DYNC1I1: variants seen among roughly 807,000 people sequenced by gnomAD.
DYNC1I1 encodes the protein cytoplasmic dynein 1 intermediate chain 1.
Under a neutral mutation model 86.6 loss-of-function variants are expected in DYNC1I1, and 43 were observed. The ratio of observed to expected loss-of-function variants is 0.50; its 90% CI spans 0.39 to 0.64. The LOEUF is 0.64. Ranked by LOEUF, DYNC1I1 falls within the 30% of genes least tolerant of loss-of-function variation. The pLI, the probability that DYNC1I1 is intolerant of heterozygous loss-of-function variation, is 0.00. For synonymous variants in DYNC1I1, 262 were observed against 283.7 expected (o/e 0.92, Z 0.77); for missense variants, 604 against 788.8 (o/e 0.77, Z 2.81).
intron 1 of DYNC1I1, among the ~76,000 whole-genome samples, chr7:95,798,218 A>G (rs1794491610): frequency 6.6e-6 from 1 of 152,222 alleles, no homozygotes; most frequent in Non-Finnish European, 1.5e-5. Flanking sequence ...TCGTCCTACT[A>G]TAAGGTGGAT....
chr7:95,836,813 C>T (rs1190766906), intron 5 of DYNC1I1, among the ~76,000 whole-genome samples: 1 of 152,168 alleles, frequency 6.6e-6, no homozygotes, highest in African/African-American at 2.4e-5. Context: ...TGGTTTTCAG[C>T]TCCATCAGCT....
rs1794540554 is a variant in DYNC1I1, at chr7:96,021,192, A to G, written c.970-6983A>G. On this transcript the variant is annotated intron_variant, in intron 10 of 16. Coordinates refer to ENST00000447467, the MANE Select transcript of DYNC1I1 (RefSeq NM_001135556.2). ...CAAATTTTATGAGTATTTCACCACA[A>G]TTTTAAAAATAAATAATTTGAAAAT... 2.6e-5 allele frequency among the ~76,000 whole-genome samples: 4 copies of G among 152,186 alleles called. No homozygotes were observed. In the South Asian group the frequency reaches 8.3e-4, roughly 31 times the overall value.
At chr7:95,868,460 C>G (rs1443019305) in intron 5 of DYNC1I1, among the ~76,000 whole-genome samples, 2 of 152,052 alleles carry the variant, frequency 1.3e-5, no homozygotes, top group Admixed American at 1.3e-4. Flanking sequence ...GTGCCATCCG[C>G]TAGTAACAAT....
At chr7:95,894,462 G>A (rs1163384043) in intron 6 of DYNC1I1, among the ~76,000 whole-genome samples, 1 of 151,874 alleles carries the variant, frequency 6.6e-6, no homozygotes, top group African/African-American at 2.4e-5. Context: ...TGAATTTGGG[G>A]GGGGGACATA....
At chr7:95,871,114 C>T (rs980393588) in intron 6 of DYNC1I1, among the ~76,000 whole-genome samples, 6 of 152,146 alleles carry the variant, frequency 3.9e-5, no homozygotes, top group South Asian at 2.1e-4. Context: ...AAATAAATAA[C>T]GCCAAAAGCA....
At position 95,965,024 on chromosome 7, in the gene DYNC1I1, G is replaced by A. The variant is rs73708410; in HGVS notation, c.491-12488G>A. ...TATGAGATAGAGCTGGACACATGGC[G>A]TGGTCTTGTGCTGGGGAACACAAAA... On this transcript the variant is annotated intron_variant, in intron 6 of 16. Coordinates refer to ENST00000447467, the MANE Select transcript of DYNC1I1 (RefSeq NM_001135556.2). Among the ~76,000 whole-genome samples the A allele has an allele frequency of 9.7e-3, 1,472 of 152,234 alleles. 22 individuals are homozygous for A. Among genetic ancestry groups the A allele is most frequent in the African/African-American group, 0.033 (1,359 of 41,546 alleles).
chr7:95,902,673 C>T (rs1044691912), intron 6 of DYNC1I1, among the ~76,000 whole-genome samples: 5 of 152,114 alleles, frequency 3.3e-5, no homozygotes, highest in African/African-American at 4.8e-5. Flanking sequence ...ATTATTTATA[C>T]TGTGCCTCAT....
At chr7:95,889,879 C>A (rs956988026) in intron 6 of DYNC1I1, among the ~76,000 whole-genome samples, 3 of 152,144 alleles carry the variant, frequency 2.0e-5, no homozygotes. Flanking sequence ...AAATGCAAAT[C>A]AAAACCACCA....
At chr7:95,799,189 C>A (rs1370521736) in intron 1 of DYNC1I1, among the ~76,000 whole-genome samples, 1 of 152,074 alleles carries the variant, frequency 6.6e-6, no homozygotes, top group Non-Finnish European at 1.5e-5. Context: ...ACCAGCCTGG[C>A]CAACATGGCG....
At chr7:95,833,587 T>C (rs1393115187) in intron 5 of DYNC1I1, among the ~76,000 whole-genome samples, 24 of 142,258 alleles carry the variant, frequency 1.7e-4, no homozygotes, top group Non-Finnish European at 2.6e-4. Flanking sequence ...CGATATTGAT[T>C]CTTCCTACCC....
At chr7:95,775,959 C>T (rs1462121208) in intron 1 of DYNC1I1, among the ~76,000 whole-genome samples, 1 of 152,126 alleles carries the variant, frequency 6.6e-6, no homozygotes, top group Non-Finnish European at 1.5e-5. Flanking sequence ...AAAGTTATTC[C>T]TCTTGACTGG....
At chr7:95,890,176 C>G (rs533720550) in intron 6 of DYNC1I1, among the ~76,000 whole-genome samples, 6 of 152,322 alleles carry the variant, frequency 3.9e-5, no homozygotes, top group African/African-American at 1.4e-4. Flanking sequence ...TATATGGAAT[C>G]AACCTCAATG....
At chr7:95,804,983 A>T in intron 2 of DYNC1I1, 146 bp downstream of exon 2, 1 of 1,374,404 alleles carries the variant, frequency 7.3e-7, no homozygotes, top group Non-Finnish European at 9.4e-7. Context: ...CTGCATGGTA[A>T]AGTTGTTGCC....
At chr7:95,997,433 A>G (rs920660574) in intron 10 of DYNC1I1, among the ~76,000 whole-genome samples, 2 of 152,136 alleles carry the variant, frequency 1.3e-5, no homozygotes, top group Non-Finnish European at 2.9e-5. Flanking sequence ...TCCAACAATA[A>G]TACATTATTA....
intron 10 of DYNC1I1, among the ~76,000 whole-genome samples, chr7:96,014,017 C>G (rs892692573): frequency 2.0e-5 from 3 of 152,182 alleles, no homozygotes; most frequent in Non-Finnish European, 4.4e-5. Context: ...AAATCACATC[C>G]TGTCCCTTCC....
At chr7:95,946,365 C>A (rs1206090953) in intron 6 of DYNC1I1, among the ~76,000 whole-genome samples, 7 of 152,036 alleles carry the variant, frequency 4.6e-5, no homozygotes, top group Non-Finnish European at 7.4e-5. Flanking sequence ...TTCTTTCTAC[C>A]TATTTAGATT....
At chr7:96,105,411 G>A (rs191142315) in intron 16 of DYNC1I1, among the ~76,000 whole-genome samples, 121 of 151,574 alleles carry the variant, frequency 8.0e-4, no homozygotes, top group African/African-American at 2.8e-3. Flanking sequence ...TTCTGCATCT[G>A]TTGACACGGT....
At chr7:95,926,305 A>G (rs966672845) in intron 6 of DYNC1I1, among the ~76,000 whole-genome samples, 1 of 152,202 alleles carries the variant, frequency 6.6e-6, no homozygotes, top group Non-Finnish European at 1.5e-5. Flanking sequence ...GACTAGCTAT[A>G]TAAATTAAGA....
intron 1 of DYNC1I1, among the ~76,000 whole-genome samples, chr7:95,779,499 T>A (rs1793930997): frequency 6.6e-6 from 1 of 152,228 alleles, no homozygotes; most frequent in African/African-American, 2.4e-5. Flanking sequence ...CAAACAGCAA[T>A]TATGTCACTC....
Sources: allele counts gnomAD v4.1 joint callset (sites outside exome capture counted in the v4.1 genomes callset), GRCh38; gene constraint gnomAD v4.1.1; transcripts MANE v1.5; gene names NCBI Gene and HGNC (gene_info 2026-07-23, HGNC 2026-07-21).